Variants in MAZ observed in about 807,000 individuals in gnomAD.
The protein encoded by MAZ is MYC associated zinc finger protein.
MAZ carries 4 observed loss-of-function variants against 32.7 expected under a neutral mutation model. The ratio of observed to expected loss-of-function variants is 0.12; its 90% confidence interval spans 0.06 to 0.28. The LOEUF is 0.28. MAZ is among the 10% of genes least tolerant of loss of function. MAZ has a pLI of 1.00. For synonymous variants in MAZ, 510 were observed against 297.6 expected (o/e 1.71, Z -7.35); for missense variants, 763 against 667.2 (o/e 1.14, Z -1.58).
In MAZ at chr16:29,808,575, T is replaced by C; in HGVS notation, c.1113T>C (p.Cys371=). The part of the protein sequence containing the change: ...STERPFKCEK[C]EAAFATKDRL... ...CGCCCCTCCCCCCTCCTCAGAAATG[T>C]GAGGCAGCTTTCGCCACGAAGGATC... is the stretch of plus-strand genomic sequence containing the variant. Residue 371 remains cysteine (C), a synonymous_variant, in exon 4 of 5, where the codon TGT becomes TGC. Coordinates refer to ENST00000322945, the MANE Select transcript of MAZ (RefSeq NM_002383.4). 1 of 1,494,026 alleles carries C rather than the reference T, an allele frequency of 6.7e-7. No individual in the cohort carries two copies. Among genetic ancestry groups the C allele is most frequent in the Non-Finnish European group, 9.0e-7 (1 of 1,107,840 alleles). The allele number at this position is 1,494,026 out of a possible 1,614,324, so 92.5% of individuals were successfully genotyped here.
chr16:29,807,893 G>A (rs1291738693), intron 2 of MAZ, 65 bp downstream of exon 2: 3 of 1,564,820 alleles, frequency 1.9e-6, no homozygotes, highest in South Asian at 2.3e-5. Context: ...GAGGTGGCCT[G>A]GCCGTGGCTG....
Position 29,808,147 on chromosome 16 carries a change from A to T in MAZ, c.1044-83A>T. ...CTGGGCTCCGGGAGGAGGCGCAGGG[A>T]TCCTCGGAAAGGCCTGTGGTGCGGT... On this transcript the variant is annotated intron_variant, in intron 2 of 4. Transcript: ENST00000322945. The T allele has an allele frequency of 4.1e-6, 5 of 1,229,814 alleles. No individual in the cohort carries two copies. In the South Asian group the frequency reaches 6.0e-5, roughly 15 times the overall value. 76.2% of individuals were successfully genotyped at this position (1,229,814 alleles called of 1,614,324 possible).
chr16:29,807,235 C>G lies in MAZ; in HGVS notation c.450C>G (p.Pro150=). The G allele has an allele frequency of 7.3e-6, 10 of 1,377,652 alleles. No homozygotes were observed. The highest frequency in any genetic ancestry group is 9.4e-6 in the Non-Finnish European group (10 of 1,060,954). The allele number at this position is 1,377,652 out of a possible 1,614,324, so 85.3% of individuals were successfully genotyped here. ...VSAPAAEAAP[P]ASAATIAAAA... Reference sequence around the variant, plus strand: ...CGCCCGCGGCCGAGGCCGCGCCCCCCGCCTCCGCCGCCACTATCGCCGCGG... The same window carrying G: ...CGCCCGCGGCCGAGGCCGCGCCCCCGGCCTCCGCCGCCACTATCGCCGCGG... The change falls in exon 2 of 5, where the codon CCC becomes CCG. Residue 150 remains proline, a synonymous_variant. Coordinates refer to ENST00000322945, the MANE Select transcript of MAZ (RefSeq NM_002383.4).
At chr16:29,808,973 G>C (rs1899735803) in intron 4 of MAZ, 1 of 567,626 alleles carries the variant, frequency 1.8e-6, no homozygotes. Context: ...GGTAATGTGT[G>C]GGGAAAGCGG....
intron 4 of MAZ, 41 bp downstream of exon 4, chr16:29,808,782 TG>T (rs747372717): frequency 1.2e-6 from 2 of 1,600,528 alleles, no homozygotes; most frequent in Admixed American, 3.4e-5. Flanking sequence ...GGGCAGAGGG[TG>T]GGCGCCTGGC....
At chr16:29,806,167 G>A (rs1422755675), upstream of MAZ, 3 of 1,179,668 alleles carry the variant, frequency 2.5e-6, no homozygotes, top group South Asian at 3.0e-5. Context: ...AACTGGAGCA[G>A]CTTCATCTTC....
rs543837739 is a variant in MAZ, at chr16:29,811,107, C to T, written c.*876C>T. On this transcript the variant is annotated 3_prime_UTR_variant, in exon 5 of 5. Transcript: ENST00000322945. ...TCCTGTGTCCCCTGCATGTACCCCA[C>T]CCTCCACCCCTTCCTTTTGCGCGGA... 1.0e-4 allele frequency: 47 copies of T among 450,016 alleles called. No homozygotes were observed. The highest frequency in any genetic ancestry group is 5.7e-4 in the South Asian group (36 of 63,066). 27.9% of individuals were successfully genotyped at this position (450,016 alleles called of 1,614,324 possible).
At position 29,807,529 on chromosome 16, in the gene MAZ, G is replaced by A; in HGVS notation, c.744G>A (p.Gly248=). The A allele has an allele frequency of 6.2e-7, 1 of 1,604,174 alleles. No individual in the cohort carries two copies. The highest frequency in any genetic ancestry group is 2.2e-5 in the East Asian group (1 of 44,700). ...VPQLSGAGGG[G]GEAGAGGGAA... ...AGCTGAGCGGAGCCGGCGGGGGAGG[G>A]GGAGAGGCGGGTGCCGGCGGCGGCG... The change falls in exon 2 of 5, where the codon GGG becomes GGA. Residue 248 remains glycine, a synonymous_variant. Coordinates refer to ENST00000322945, the MANE Select transcript of MAZ (RefSeq NM_002383.4).
Position 29,810,526 on chromosome 16 carries a change from C to T in MAZ, c.*295C>T, listed in dbSNP as rs571491685. 3.7e-5 allele frequency: 26 copies of T among 701,612 alleles called. No homozygotes were observed. In the East Asian group the frequency reaches 4.3e-4, roughly 12 times the overall value. The allele number at this position is 701,612 out of a possible 1,614,324, so 43.5% of individuals were successfully genotyped here. ...CACGAGCAGCCACTGCCCGTACCCC[C>T]TCTCCTCTCTGTAAGCCCATGCCCT... On this transcript the variant is annotated 3_prime_UTR_variant, in exon 5 of 5. Coordinates refer to ENST00000322945, the MANE Select transcript of MAZ (RefSeq NM_002383.4).
Position 29,806,884 on chromosome 16 carries a change from T to G in MAZ, c.183T>G (p.Ser61Arg). Reference sequence around the variant, plus strand: ...TTGCCTCCCAGGGCTGCGCCCAGAGTCCATTCCAGGTGAGTAGGGCCGGCC... The same window carrying G: ...TTGCCTCCCAGGGCTGCGCCCAGAGGCCATTCCAGGTGAGTAGGGCCGGCC... ...RFFASQGCAQSPFQAAPAPPP... is the reference protein window; with the variant it reads ...RFFASQGCAQRPFQAAPAPPP... The change falls in exon 1 of 5, where the codon AGT becomes AGG. Residue 61 changes from serine to arginine, a missense_variant. Transcript: ENST00000322945. The G allele has an allele frequency of 7.2e-7, 1 of 1,396,336 alleles. No individual in the cohort carries two copies. Among genetic ancestry groups the G allele is most frequent in the Non-Finnish European group, 9.4e-7 (1 of 1,064,154 alleles). 86.5% of individuals were successfully genotyped at this position (1,396,336 alleles called of 1,614,324 possible). A position where few individuals can be genotyped will look rare whatever the true frequency, so the allele number is the denominator to read the frequency against.
At position 29,806,594 on chromosome 16, in the gene MAZ, G is replaced by C. The variant is rs1355411790; in HGVS notation, c.-108G>C. 10 of 966,132 alleles carry C rather than the reference G, an allele frequency of 1.0e-5. No homozygotes were observed. The highest frequency in any genetic ancestry group is 6.5e-5 in the Admixed American group (1 of 15,384). The allele number at this position is 966,132 out of a possible 1,614,324, so 59.8% of individuals were successfully genotyped here. On this transcript the variant is annotated 5_prime_UTR_variant, in exon 1 of 5. Coordinates refer to ENST00000322945, the MANE Select transcript of MAZ (RefSeq NM_002383.4). Reference sequence around the variant, plus strand: ...GGGGCGGCCCGCGGGCCATGCGTTCGGCGCGGCCCAGCCCGGCCGGCCGGG... The same window carrying C: ...GGGGCGGCCCGCGGGCCATGCGTTCCGCGCGGCCCAGCCCGGCCGGCCGGG...
Position 29,808,481 on chromosome 16 carries a change from T to C in MAZ, c.1108-89T>C, listed in dbSNP as rs1038415156. 5.7e-6 allele frequency: 6 copies of C among 1,053,606 alleles called. No homozygotes were observed. The African/African-American group carries it at 7.9e-5, about 14-fold the overall frequency. The allele number at this position is 1,053,606 out of a possible 1,614,324, so 65.3% of individuals were successfully genotyped here. A position where few individuals can be genotyped will look rare whatever the true frequency, so the allele number is the denominator to read the frequency against. On this transcript the variant is annotated intron_variant, in intron 3 of 4. Coordinates refer to ENST00000322945, the MANE Select transcript of MAZ (RefSeq NM_002383.4). ...TACAGATCAAAGATCCCCAAGGCTC[T>C]GATTCCTTTAATCTCTTGCTCCCCC...
intron 4 of MAZ, chr16:29,809,406 C>G: frequency 1.5e-6 from 1 of 661,018 alleles, no homozygotes; most frequent in Non-Finnish European, 2.7e-6. Context: ...AGCAGTTGGC[C>G]CCAGGCTACC....
intron 2 of MAZ, 63 bp downstream of exon 2, chr16:29,807,891 C>A: frequency 6.4e-7 from 1 of 1,564,404 alleles, no homozygotes; most frequent in Non-Finnish European, 8.6e-7. Flanking sequence ...CGGAGGTGGC[C>A]TGGCCGTGGC....
chr16:29,809,693 C>G (rs774727955), intron 4 of MAZ: 1 of 1,513,266 alleles, frequency 6.6e-7, no homozygotes. Flanking sequence ...CTGGGGGGGG[C>G]CGCCCCCCCT....
chr16:29,810,726 G>A lies in MAZ; in HGVS notation c.*495G>A. On this transcript the variant is annotated 3_prime_UTR_variant, in exon 5 of 5. Transcript: ENST00000322945. ...AGGGGGATCAGAGCTGTCCCAAAGAGGGAAAGCGGTGAGGTTTGAGGAGGG... is the reference window on the plus strand; with the variant it reads ...AGGGGGATCAGAGCTGTCCCAAAGAAGGAAAGCGGTGAGGTTTGAGGAGGG... 1 of 412,190 alleles carries A rather than the reference G, an allele frequency of 2.4e-6. No individual in the cohort carries two copies. Among genetic ancestry groups the A allele is most frequent in the Non-Finnish European group, 4.5e-6 (1 of 220,340 alleles). 25.5% of individuals were successfully genotyped at this position (412,190 alleles called of 1,614,324 possible). A position where few individuals can be genotyped will look rare whatever the true frequency, so the allele number is the denominator to read the frequency against.
chr16:29,806,186 A>G (rs1167181490), upstream of MAZ: 2 of 634,284 alleles, frequency 3.2e-6, no homozygotes, highest in Admixed American at 3.7e-5. Context: ...TCCAGGTAAC[A>G]ACTCCCTCCC....
chr16:29,809,600 C>T (rs774096245), intron 4 of MAZ: 4 of 1,612,160 alleles, frequency 2.5e-6, no homozygotes, highest in Admixed American at 3.3e-5. Flanking sequence ...CTCCAGGCCC[C>T]GCGGGCTGAC....
At position 29,807,670 on chromosome 16, in the gene MAZ, C is replaced by G. The variant is rs574813264; in HGVS notation, c.885C>G (p.Asn295Lys). The change falls in exon 2 of 5, where the codon AAC becomes AAG. Residue 295 changes from asparagine to lysine, a missense_variant. By Grantham distance (94) the Asn-to-Lys change is moderately conservative. Transcript: ENST00000322945. ...GKAFRDVYHL[N>K]RHKLSHSDEK... ...CCTTCCGCGACGTCTACCACCTGAA[C>G]CGACACAAGCTGTCGCACTCGGACG... 8.1e-6 allele frequency: 13 copies of G among 1,612,908 alleles called. No homozygotes were observed. The highest frequency in any genetic ancestry group is 1.3e-5 in the African/African-American group (1 of 75,050).
Sources: allele counts gnomAD v4.1 joint callset, GRCh38; gene constraint gnomAD v4.1.1; transcripts MANE v1.5; gene names NCBI Gene and HGNC (gene_info 2026-07-23, HGNC 2026-07-21).